The following DNAJC8 variants were observed in gnomAD, a reference collection of about 807,000 sequenced individuals.
The protein encoded by DNAJC8 is DnaJ heat shock protein family (Hsp40) member C8, also known as dnaJ homolog subfamily C member 8.
In DNAJC8, 24 loss-of-function variants were observed where a neutral mutation model predicts 43.2. The ratio of observed to expected loss-of-function variants is 0.56; its 90% CI spans 0.40 to 0.78. The LOEUF (loss-of-function observed/expected upper bound fraction) is 0.78, where lower values mean the gene tolerates loss of function less well. DNAJC8 is among the 30% of genes least tolerant of loss of function. The probability of loss-of-function intolerance (pLI) is 0.00; values close to 1 mark genes in which losing one functional copy is unlikely to be tolerated. For missense variants in DNAJC8, 207 were observed against 299.4 expected (o/e 0.69, Z 2.28); for synonymous variants, 83 against 98.0 (o/e 0.85, Z 0.90).
rs35950985 is a variant in DNAJC8, at chr1:28,212,168, A to AATAAATAAAT, written c.238-1532_238-1531insATTTATTTAT. ...CGGACTCCGTCTCAATAAATAAATA[A>AATAAATAAAT]ATATATATATATATATATATATATA... On this transcript the variant is annotated intron_variant, in intron 3 of 8. Transcript: ENST00000263697. 4.5e-3 allele frequency among the ~76,000 whole-genome samples: 138 copies of AATAAATAAAT among 30,944 alleles called. 2 individuals are homozygous for AATAAATAAAT. Among genetic ancestry groups the AATAAATAAAT allele is most frequent in the Non-Finnish European group, 5.8e-3 (82 of 14,204 alleles). The allele number at this position is 30,944 out of a possible 152,430, so 20.3% of individuals were successfully genotyped here. A position where few individuals can be genotyped will look rare whatever the true frequency, so the allele number is the denominator to read the frequency against.
chr1:28,210,697 G>A (rs902376870), intron 3 of DNAJC8, 60 bp from the exon 4 acceptor site: 1 of 1,390,770 alleles, frequency 7.2e-7, no homozygotes, highest in Non-Finnish European at 1.0e-6. Flanking sequence ...CTTCCAGCCT[G>A]CCCTGTCTCG....
At chr1:28,210,901 G>A (rs1646805929) in intron 3 of DNAJC8, among the ~76,000 whole-genome samples, 1 of 152,196 alleles carries the variant, frequency 6.6e-6, no homozygotes, top group Non-Finnish European at 1.5e-5. Flanking sequence ...CAGGCACAGA[G>A]GCTCACGCCT....
At chr1:28,216,662 G>C (rs568285753) in intron 2 of DNAJC8, among the ~76,000 whole-genome samples, 1 of 151,878 alleles carries the variant, frequency 6.6e-6, no homozygotes, top group South Asian at 2.1e-4. Flanking sequence ...ACCTAAAATA[G>C]CTATAAAGGA....
Position 28,201,266 on chromosome 1 carries a change from T to G in DNAJC8, c.744A>C (p.Lys248Asn). ...NRTFLRPPKV[K>N]MEQRE is the part of the protein sequence containing the mutation. ...TGGGCGGTCACTCACGTTGCTCCAT[T>G]TTTACTTTCGGTGGTCTCAGGAAGG... Residue 248 changes from lysine to asparagine, a missense_variant, in exon 9 of 9, where the codon AAA becomes AAC. Around this residue, in one of 2 missense-constraint regions of DNAJC8, gnomAD observed 159 missense variants for 267.5 expected, o/e 0.59. Transcript: ENST00000263697. The G allele has an allele frequency of 6.2e-7, 1 of 1,612,252 alleles. No homozygotes were observed. The highest frequency in any genetic ancestry group is 8.5e-7 in the Non-Finnish European group (1 of 1,179,978).
At chr1:28,204,351 C>G (rs557616854) in intron 7 of DNAJC8, among the ~76,000 whole-genome samples, 1 of 152,214 alleles carries the variant, frequency 6.6e-6, no homozygotes, top group Non-Finnish European at 1.5e-5. Flanking sequence ...GAGGCTGGGG[C>G]AGGTGGATCA....
At chr1:28,221,743 T>C (rs977116583) in intron 2 of DNAJC8, among the ~76,000 whole-genome samples, 1 of 152,192 alleles carries the variant, frequency 6.6e-6, no homozygotes, top group Non-Finnish European at 1.5e-5. Flanking sequence ...CATCTTCCCC[T>C]AGGCCCTCCC....
intron 2 of DNAJC8, among the ~76,000 whole-genome samples, chr1:28,222,917 C>T (rs568250937): frequency 6.8e-4 from 103 of 152,186 alleles, no homozygotes; most frequent in African/African-American, 2.3e-3. Flanking sequence ...GGGCAGCCAG[C>T]GCAGGATATC....
At chr1:28,227,436 C>G (rs1646944252) in intron 2 of DNAJC8, among the ~76,000 whole-genome samples, 1 of 140,506 alleles carries the variant, frequency 7.1e-6, no homozygotes, top group African/African-American at 2.6e-5. Flanking sequence ...GCATTTAAAA[C>G]AGCACTGAGG....
chr1:28,232,872 G>C (rs1278275354), intron 1 of DNAJC8, 49 bp downstream of exon 1: 2 of 1,596,416 alleles, frequency 1.3e-6, no homozygotes, highest in Non-Finnish European at 1.7e-6. Flanking sequence ...TGGGAAAGCA[G>C]ATCCGGGAGC....
intron 8 of DNAJC8, among the ~76,000 whole-genome samples, chr1:28,201,579 A>C (rs1646733591): frequency 6.6e-6 from 1 of 152,148 alleles, no homozygotes; most frequent in African/African-American, 2.4e-5. Context: ...ACCTGAGGTC[A>C]GGAGTTCAAG....
chr1:28,209,969 T>TA lies in DNAJC8; in HGVS notation c.399+2dup, dbSNP rs1310728786. The TA allele has an allele frequency of 6.2e-7, 1 of 1,613,554 alleles. No homozygotes were observed. Among genetic ancestry groups the TA allele is most frequent in the African/African-American group, 1.3e-5 (1 of 75,024 alleles). On this transcript the variant is annotated splice_region_variant and intron_variant, in intron 5 of 8. Transcript: ENST00000263697. ...TAAACACAGCAGCACTATAAATACT[T>TA]ACAGTGTGTTCCACGTATTCTTTTC... is the stretch of plus-strand genomic sequence containing the variant.
At chr1:28,226,606 T>C (rs1646936623) in intron 2 of DNAJC8, among the ~76,000 whole-genome samples, 2 of 151,412 alleles carry the variant, frequency 1.3e-5, no homozygotes, top group Non-Finnish European at 2.9e-5. Flanking sequence ...TATTATTTTA[T>C]AACCAGTTCA....
intron 3 of DNAJC8, among the ~76,000 whole-genome samples, chr1:28,211,384 G>C (rs1366272143): frequency 6.6e-6 from 1 of 152,178 alleles, no homozygotes; most frequent in Non-Finnish European, 1.5e-5. Context: ...TGAATTTTCG[G>C]ATTAGGGATG....
chr1:28,226,508 A>C (rs1298834682), intron 2 of DNAJC8, among the ~76,000 whole-genome samples: 4 of 151,534 alleles, frequency 2.6e-5, no homozygotes, highest in African/African-American at 9.7e-5. Context: ...CAAAAAAAAA[A>C]ATTTTAGAAA....
chr1:28,212,165 AT>A, intron 3 of DNAJC8, among the ~76,000 whole-genome samples: 1 of 29,870 alleles, frequency 3.3e-5, no homozygotes, highest in Non-Finnish European at 8.6e-5. Flanking sequence ...CAATAAATAA[AT>A]AAATATATAT....
chr1:28,202,254 C>T (rs1400072343), intron 8 of DNAJC8, among the ~76,000 whole-genome samples: 1 of 152,112 alleles, frequency 6.6e-6, no homozygotes. Context: ...CGAGGCTAGA[C>T]GTTTAACATG....
intron 3 of DNAJC8, among the ~76,000 whole-genome samples, chr1:28,211,481 G>A (rs1002968427): frequency 3.3e-5 from 5 of 152,216 alleles, no homozygotes; most frequent in Non-Finnish European, 7.3e-5. Context: ...TTTCAGATAA[G>A]GGATACTCAA....
At chr1:28,215,483 G>A (rs1336763190) in intron 2 of DNAJC8, among the ~76,000 whole-genome samples, 2 of 152,018 alleles carry the variant, frequency 1.3e-5, no homozygotes, top group Non-Finnish European at 2.9e-5. Flanking sequence ...CCCACTCTAC[G>A]AAAGTCTGAT....
rs1177221651 is a variant in DNAJC8, at chr1:28,210,764, T to TA, written c.238-128dup. On this transcript the variant is annotated intron_variant, in intron 3 of 8. Transcript: ENST00000263697. ...AAAAGAGACTCTTAGCAAAAGCATT[T>TA]AAAAAATTAACAAATCTCTTTAAAT... is the stretch of plus-strand genomic sequence containing the variant. 6.9e-5 allele frequency: 43 copies of TA among 625,288 alleles called. No individual in the cohort carries two copies. The African/African-American group carries it at 7.0e-4, about 10-fold the overall frequency. The allele number at this position is 625,288 out of a possible 1,614,324, so 38.7% of individuals were successfully genotyped here.
Sources: allele counts gnomAD v4.1 joint callset (sites outside exome capture counted in the v4.1 genomes callset), GRCh38; gene constraint gnomAD v4.1.1; regional missense constraint gnomAD v4.1.1; transcripts MANE v1.5; gene names NCBI Gene and HGNC (gene_info 2026-07-23, HGNC 2026-07-21).